CSMD1: variants seen among roughly 807,000 people sequenced by gnomAD.
The protein encoded by CSMD1 is CUB and Sushi multiple domains 1.
Under a neutral mutation model 417.5 loss-of-function variants are expected in CSMD1, and 213 were observed. That is an observed-to-expected ratio of 0.51 (90% CI 0.46 to 0.57). The LOEUF (loss-of-function observed/expected upper bound fraction) is 0.57. Ranked by LOEUF, CSMD1 falls within the 20% of genes least tolerant of loss-of-function variation. The probability of loss-of-function intolerance (pLI) is 0.00; values close to 1 mark genes in which losing one functional copy is unlikely to be tolerated. For missense variants in CSMD1, 6,923 were observed against 4,529.7 expected (o/e 1.53, Z -15.17); for synonymous variants, 2,862 against 1,736.8 (o/e 1.65, Z -16.11).
At chr8:4,430,700 AC>A (rs1164859419) in intron 2 of CSMD1, among the ~76,000 whole-genome samples, 1 of 152,170 alleles carries the variant, frequency 6.6e-6, no homozygotes, top group East Asian at 1.9e-4. Flanking sequence ...ACTATCGGAA[AC>A]AAAAAATCTA....
At chr8:3,720,783 C>G (rs986272949) in intron 6 of CSMD1, among the ~76,000 whole-genome samples, 3 of 152,064 alleles carry the variant, frequency 2.0e-5, no homozygotes, top group African/African-American at 7.2e-5. Context: ...TGACACGATC[C>G]AAAACAGCTT....
At chr8:3,687,952 T>C (rs1386151185) in intron 7 of CSMD1, among the ~76,000 whole-genome samples, 3 of 152,216 alleles carry the variant, frequency 2.0e-5, no homozygotes, top group Admixed American at 2.0e-4. Flanking sequence ...ACCCTTTGTT[T>C]CCTTTTCCAT....
At chr8:3,678,617 G>C (rs1023128697) in intron 7 of CSMD1, among the ~76,000 whole-genome samples, 2 of 152,118 alleles carry the variant, frequency 1.3e-5, no homozygotes, top group South Asian at 2.1e-4. Flanking sequence ...CACTCTGCAG[G>C]ACATTATCAA....
intron 5 of CSMD1, among the ~76,000 whole-genome samples, chr8:3,802,343 T>G (rs901850479): frequency 2.6e-5 from 4 of 152,178 alleles, no homozygotes; most frequent in Admixed American, 6.5e-5. Context: ...ATGTTATACA[T>G]CTGTATATGT....
chr8:4,279,594 C>A (rs983590475), intron 3 of CSMD1, among the ~76,000 whole-genome samples: 1 of 152,104 alleles, frequency 6.6e-6, no homozygotes, highest in Non-Finnish European at 1.5e-5. Context: ...TTGCCCTAAA[C>A]AAATAGACTC....
intron 3 of CSMD1, among the ~76,000 whole-genome samples, chr8:4,363,885 C>T (rs1405461348): frequency 1.3e-5 from 2 of 151,936 alleles, no homozygotes; most frequent in African/African-American, 2.4e-5. Flanking sequence ...GAGTAAAGGA[C>T]GGTTACCAGA....
chr8:4,006,389 CA>C (rs1563310391), intron 4 of CSMD1, among the ~76,000 whole-genome samples: 1 of 152,062 alleles, frequency 6.6e-6, no homozygotes, highest in Non-Finnish European at 1.5e-5. Flanking sequence ...ACTAAAAATA[CA>C]AAAAATAGCT....
chr8:4,299,312 G>T (rs984888362), intron 3 of CSMD1, among the ~76,000 whole-genome samples: 2 of 152,064 alleles, frequency 1.3e-5, no homozygotes, highest in East Asian at 1.9e-4. Context: ...CCCAGAGAAC[G>T]CACTTTTTAA....
At chr8:3,145,704 A>G (rs967257042) in intron 40 of CSMD1, among the ~76,000 whole-genome samples, 3 of 152,252 alleles carry the variant, frequency 2.0e-5, no homozygotes, top group Admixed American at 2.0e-4. Flanking sequence ...ATCCAGTTTG[A>G]CATTGTAAAG....
At chr8:4,293,572 G>A (rs1395870672) in intron 3 of CSMD1, among the ~76,000 whole-genome samples, 1 of 151,998 alleles carries the variant, frequency 6.6e-6, no homozygotes, top group African/African-American at 2.4e-5. Flanking sequence ...TCCAAATTAG[G>A]CACAATAAAA....
chr8:4,891,929 C>A lies in CSMD1; in HGVS notation c.85+102403G>T, dbSNP rs188557668. ...AAACAAACAGATGGTAGGTTATCAA[C>A]AATAAAAGAAAAAAGAAGATGGCCT... is the stretch of plus-strand genomic sequence containing the variant. On this transcript the variant is annotated intron_variant, in intron 1 of 69. Transcript: ENST00000635120. Among the ~76,000 whole-genome samples, 60 of 151,940 alleles carry A rather than the reference C, an allele frequency of 3.9e-4. 2 individuals carry two copies. The highest frequency in any genetic ancestry group is 3.4e-3 in the Middle Eastern group (1 of 294).
chr8:4,277,947 A>G (rs1009625977), intron 3 of CSMD1, among the ~76,000 whole-genome samples: 1 of 152,064 alleles, frequency 6.6e-6, no homozygotes, highest in African/African-American at 2.4e-5. Context: ...ACAGGATTTC[A>G]CCATGCTGGC....
chr8:4,258,587 G>A (rs1803650973), intron 3 of CSMD1, among the ~76,000 whole-genome samples: 1 of 75,638 alleles, frequency 1.3e-5, no homozygotes, highest in Middle Eastern at 7.8e-3. Flanking sequence ...AGGAAGGAGG[G>A]ATGGAGGGAA....
In CSMD1 at chr8:3,990,549, C is replaced by A. The variant is rs1007926737; in HGVS notation, c.818+7354G>T. On this transcript the variant is annotated intron_variant, in intron 5 of 69. Transcript: ENST00000635120. ...ACTACATTTTATCCATAGCTACCACCATTCAATAAATTAGAAAAGTGTCCC... is the reference window on the plus strand; with the variant it reads ...ACTACATTTTATCCATAGCTACCACAATTCAATAAATTAGAAAAGTGTCCC... Among the ~76,000 whole-genome samples the A allele has an allele frequency of 2.2e-4, 34 of 152,162 alleles. 2 individuals carry two copies. The highest frequency in any genetic ancestry group is 1.7e-3 in the Admixed American group (26 of 15,278).
intron 1 of CSMD1, among the ~76,000 whole-genome samples, chr8:4,921,975 A>G (rs1003462162): frequency 6.6e-6 from 1 of 152,054 alleles, no homozygotes; most frequent in Non-Finnish European, 1.5e-5. Flanking sequence ...CACTCAGCCA[A>G]ATTTGCTTCA....
chr8:3,719,015 A>G (rs925703068), intron 6 of CSMD1, among the ~76,000 whole-genome samples: 2 of 152,202 alleles, frequency 1.3e-5, no homozygotes, highest in Admixed American at 6.5e-5. Context: ...CAACGCGCTC[A>G]GAAACAACAT....
At chr8:3,998,199 G>T in intron 4 of CSMD1, 89 bp from the exon 5 acceptor site, 2 of 1,201,848 alleles carry the variant, frequency 1.7e-6, no homozygotes, top group South Asian at 1.5e-5. Flanking sequence ...CTTGATCAGC[G>T]ACAAATATTT....
chr8:3,835,272 T>A (rs12541994), intron 5 of CSMD1, among the ~76,000 whole-genome samples: 23,810 of 151,834 alleles, frequency 0.16, 2,068 homozygotes, highest in Middle Eastern at 0.2. Flanking sequence ...TGCACACATA[T>A]GTTTACTGCG....
chr8:3,246,834 C>T (rs1008614868), intron 26 of CSMD1, among the ~76,000 whole-genome samples: 6 of 152,174 alleles, frequency 3.9e-5, no homozygotes, highest in African/African-American at 1.4e-4. Context: ...ACACTGAGAG[C>T]TCTGTCTTTC....
Sources: allele counts gnomAD v4.1 joint callset (sites outside exome capture counted in the v4.1 genomes callset), GRCh38; gene constraint gnomAD v4.1.1; transcripts MANE v1.5; gene names NCBI Gene and HGNC (gene_info 2026-07-23, HGNC 2026-07-21).